Variants in GAB2 observed in about 807,000 individuals in gnomAD.
The protein encoded by GAB2 is GRB2 associated binding protein 2, also known as GRB2-associated-binding protein 2.
GAB2 carries 26 observed loss-of-function variants against 65.5 expected under a neutral mutation model. The ratio of observed to expected loss-of-function variants is 0.40; its 90% CI spans 0.29 to 0.55. The LOEUF (loss-of-function observed/expected upper bound fraction) is 0.55, where lower values mean the gene tolerates loss of function less well. GAB2 is among the 20% of genes least tolerant of loss of function. The pLI, the probability that GAB2 is intolerant of heterozygous loss-of-function variation, is 0.53. For synonymous variants in GAB2, 321 were observed against 329.6 expected, an observed-to-expected ratio of 0.97 and a Z score of 0.28; for missense variants, 884 against 875.8, an observed-to-expected ratio of 1.01 and a Z score of -0.12.
intron 8 of GAB2, among the ~76,000 whole-genome samples, chr11:78,220,697 G>T (rs546063875): frequency 6.6e-6 from 1 of 152,176 alleles, no homozygotes; most frequent in Admixed American, 6.5e-5. Flanking sequence ...GACTTTGCCT[G>T]TGGCTGCACA....
intron 1 of GAB2, among the ~76,000 whole-genome samples, chr11:78,378,096 G>A (rs1480922309): frequency 6.6e-6 from 1 of 152,176 alleles, no homozygotes; most frequent in East Asian, 1.9e-4. Flanking sequence ...TCCAGGGGTA[G>A]AATTATGGCC....
At chr11:78,364,708 T>A (rs1353271321) in intron 1 of GAB2, among the ~76,000 whole-genome samples, 1 of 152,122 alleles carries the variant, frequency 6.6e-6, no homozygotes, top group African/African-American at 2.4e-5. Flanking sequence ...AGGCCTTGAG[T>A]TTGCTATATG....
chr11:78,254,928 A>T (rs1476178071), intron 2 of GAB2, among the ~76,000 whole-genome samples: 1 of 152,090 alleles, frequency 6.6e-6, no homozygotes, highest in East Asian at 1.9e-4. Context: ...CTCTGCCTGA[A>T]TTTATGTGAT....
chr11:78,291,577 T>C lies in GAB2; in HGVS notation c.76-10676A>G, dbSNP rs868033620. Among the ~76,000 whole-genome samples the C allele has an allele frequency of 1.5e-3, 192 of 124,966 alleles. 4 individuals are homozygous for C. The highest frequency in any genetic ancestry group is 5.2e-3 in the African/African-American group (175 of 33,442). 82.0% of individuals were successfully genotyped at this position (124,966 alleles called of 152,430 possible). A position where few individuals can be genotyped will look rare whatever the true frequency, so the allele number is the denominator to read the frequency against. ...TTTCTTTTTCTTTTTTTTTTTTTTT[T>C]TTTTTTTTTTTTGCGACAGGGTCTC... On this transcript the variant is annotated intron_variant, in intron 1 of 9. Transcript: ENST00000361507.
chr11:78,225,254 CACTT>C (rs1864597428), intron 4 of GAB2, 52 bp from the exon 5 acceptor site: 1 of 1,200,190 alleles, frequency 8.3e-7, no homozygotes, highest in Non-Finnish European at 1.2e-6. Flanking sequence ...CATGTGTTGA[CACTT>C]ACCCATACCC....
chr11:78,309,971 T>TGTGTGTGTGTGTGTGTGTACGC (rs1421836447), intron 1 of GAB2, among the ~76,000 whole-genome samples: 3 of 120,196 alleles, frequency 2.5e-5, no homozygotes, highest in African/African-American at 1.1e-4. Context: ...TGTGTGTGTG[T>TGTGTGTGTGTGTGTGTGTACGC]GCGCGCGCGC....
intron 3 of GAB2, among the ~76,000 whole-genome samples, chr11:78,245,687 C>T (rs182822977): frequency 1.3e-3 from 205 of 152,280 alleles, no homozygotes; most frequent in African/African-American, 4.4e-3. Flanking sequence ...GAAGTTAAAA[C>T]GGAAAAATAA....
chr11:78,395,238 C>G (rs1856881871), intron 1 of GAB2, among the ~76,000 whole-genome samples: 1 of 152,208 alleles, frequency 6.6e-6, no homozygotes, highest in African/African-American at 2.4e-5. Context: ...CGGATCACAT[C>G]AGGTCAGAAG....
rs560918336 is a variant in GAB2 at position 78,285,116 on chromosome 11, C to T, written c.76-4215G>A. Reference sequence around the variant, plus strand: ...TGTACTTCTGTGTGCTGCAGGTTCACACATAGACACATAGTGTGTGGGCAC... The same window carrying T: ...TGTACTTCTGTGTGCTGCAGGTTCATACATAGACACATAGTGTGTGGGCAC... On this transcript the variant is annotated intron_variant, in intron 1 of 9. Transcript: ENST00000361507. 3.9e-5 allele frequency among the ~76,000 whole-genome samples: 6 copies of T among 152,324 alleles called. No homozygotes were observed. The South Asian group carries it at 1.0e-3, about 26-fold the overall frequency.
chr11:78,238,291 G>A (rs1325227306), intron 3 of GAB2, among the ~76,000 whole-genome samples: 1 of 150,592 alleles, frequency 6.6e-6, no homozygotes, highest in African/African-American at 2.4e-5. Flanking sequence ...ACTTTGGGAA[G>A]CTAATGTGGG....
At chr11:78,379,878 A>G (rs1171021541) in intron 1 of GAB2, among the ~76,000 whole-genome samples, 1 of 152,258 alleles carries the variant, frequency 6.6e-6, no homozygotes, top group African/African-American at 2.4e-5. Context: ...CTTGCAAAAT[A>G]CGTGTCAGTA....
intron 1 of GAB2, among the ~76,000 whole-genome samples, chr11:78,330,699 T>C (rs1176741104): frequency 1.3e-5 from 2 of 152,196 alleles, no homozygotes; most frequent in South Asian, 2.1e-4. Flanking sequence ...TATTGTCTCA[T>C]TGTACATTTC....
chr11:78,230,761 T>C (rs553505778), intron 3 of GAB2, among the ~76,000 whole-genome samples: 2 of 152,354 alleles, frequency 1.3e-5, no homozygotes, highest in South Asian at 2.1e-4. Context: ...GGCAGGGAAT[T>C]TGTTCTAGCA....
At chr11:78,293,342 G>A (rs1866731818) in intron 1 of GAB2, among the ~76,000 whole-genome samples, 1 of 152,136 alleles carries the variant, frequency 6.6e-6, no homozygotes, top group Admixed American at 6.5e-5. Flanking sequence ...TGTATCTCCA[G>A]CATTTATTTA....
chr11:78,414,569 C>T (rs933281573), intron 1 of GAB2, among the ~76,000 whole-genome samples: 5 of 152,132 alleles, frequency 3.3e-5, no homozygotes, highest in African/African-American at 1.2e-4. Flanking sequence ...TATGCATTTG[C>T]ATGCACGCGC....
chr11:78,270,571 G>GT (rs1450060811), intron 2 of GAB2, among the ~76,000 whole-genome samples: 1 of 152,110 alleles, frequency 6.6e-6, no homozygotes, highest in Admixed American at 6.5e-5. Context: ...TTAAGCCTTA[G>GT]TTTCCTTGCT....
chr11:78,327,889 AGTG>A (rs1855851412), intron 1 of GAB2, among the ~76,000 whole-genome samples: 1 of 152,208 alleles, frequency 6.6e-6, no homozygotes, highest in Admixed American at 6.5e-5. Context: ...GAATTGAAGA[AGTG>A]GATGTTAAAG....
chr11:78,331,302 G>A (rs1855910318), intron 1 of GAB2, among the ~76,000 whole-genome samples: 1 of 149,058 alleles, frequency 6.7e-6, no homozygotes, highest in Non-Finnish European at 1.5e-5. Context: ...CTGGAGTGCA[G>A]TGGCACAATC....
At chr11:78,242,876 A>C (rs1266382993) in intron 3 of GAB2, among the ~76,000 whole-genome samples, 1 of 152,030 alleles carries the variant, frequency 6.6e-6, no homozygotes. Flanking sequence ...ATAAATACAA[A>C]ATCAGTCTGG....
Sources: gnomAD v4.1 joint callset for allele counts (sites outside exome capture counted in the v4.1 genomes callset) on GRCh38, gnomAD v4.1.1 for gene constraint, MANE v1.5 for transcripts, NCBI Gene and HGNC (gene_info 2026-07-23, HGNC 2026-07-21) for gene names.